The following PAPPA2 variants were observed in gnomAD, a reference collection of about 807,000 sequenced individuals.
The protein encoded by PAPPA2 is pappalysin 2, also known as pappalysin-2.
PAPPA2 carries 86 observed loss-of-function variants against 176.4 expected under a neutral mutation model. The ratio of observed to expected loss-of-function variants is 0.49; its 90% CI spans 0.41 to 0.58. The LOEUF (loss-of-function observed/expected upper bound fraction) is 0.58. PAPPA2 is among the 20% of genes least tolerant of loss of function. PAPPA2 has a pLI of 0.00. For missense variants in PAPPA2, 2,073 were observed against 2,256.9 expected, an observed-to-expected ratio of 0.92 and a Z score of 1.65; for synonymous variants, 809 against 852.2, an observed-to-expected ratio of 0.95 and a Z score of 0.88.
At chr1:176,660,265 A>G (rs774389825) in intron 3 of PAPPA2, among the ~76,000 whole-genome samples, 8 of 151,994 alleles carry the variant, frequency 5.3e-5, no homozygotes, top group African/African-American at 1.9e-4. Context: ...ACTGAAATCT[A>G]TAGGCATTCT....
intron 17 of PAPPA2, among the ~76,000 whole-genome samples, chr1:176,772,946 C>T (rs536278812): frequency 1.3e-4 from 20 of 152,046 alleles, no homozygotes; most frequent in African/African-American, 4.8e-4. Context: ...GACCAGGGGG[C>T]CAGAGAAATG....
At chr1:176,786,826 T>C (rs989867317) in intron 17 of PAPPA2, among the ~76,000 whole-genome samples, 2 of 152,178 alleles carry the variant, frequency 1.3e-5, no homozygotes, top group East Asian at 1.9e-4. Flanking sequence ...TTAAATGTTG[T>C]TTGATCCAAA....
At chr1:176,653,526 T>C (rs1020739292) in intron 3 of PAPPA2, among the ~76,000 whole-genome samples, 2 of 151,750 alleles carry the variant, frequency 1.3e-5, no homozygotes, top group Admixed American at 6.6e-5. Flanking sequence ...TTCTTTCTTA[T>C]ATGGTCTTTT....
At chr1:176,493,792 G>A (rs1647439461) in intron 1 of PAPPA2, among the ~76,000 whole-genome samples, 1 of 152,132 alleles carries the variant, frequency 6.6e-6, no homozygotes, top group Non-Finnish European at 1.5e-5. Context: ...ACACACTTGG[G>A]CATGCATCCA....
chr1:176,610,054 C>T (rs902061329), intron 3 of PAPPA2, among the ~76,000 whole-genome samples: 3 of 152,082 alleles, frequency 2.0e-5, no homozygotes, highest in African/African-American at 7.2e-5. Flanking sequence ...AAACATGAAT[C>T]ACCCTTCCCC....
intron 21 of PAPPA2, among the ~76,000 whole-genome samples, chr1:176,820,514 T>C (rs1666615611): frequency 1.3e-5 from 2 of 152,170 alleles, no homozygotes; most frequent in Admixed American, 6.5e-5. Flanking sequence ...CCGGGGTGTT[T>C]CCTTACACAT....
At chr1:176,623,758 C>CCTTTCTTTCTTTCTTTCTTTCTTTCTTT (rs71129580) in intron 3 of PAPPA2, among the ~76,000 whole-genome samples, 29 of 59,064 alleles carry the variant, frequency 4.9e-4, no homozygotes, top group East Asian at 1.2e-3. Flanking sequence ...TTCCTTCCTT[C>CCTTTCTTTCTTTCTTTCTTTCTTTCTTT]CTTTCTTTCT....
chr1:176,695,979 TG>T, intron 7 of PAPPA2, 120 bp downstream of exon 7: 1 of 645,096 alleles, frequency 1.6e-6, no homozygotes, highest in Non-Finnish European at 2.2e-6. Context: ...TGTGTGTGTG[TG>T]TGTGTGTGTG....
At chr1:176,738,241 T>C (rs545522696) in intron 12 of PAPPA2, among the ~76,000 whole-genome samples, 21 of 152,052 alleles carry the variant, frequency 1.4e-4, no homozygotes, top group Non-Finnish European at 2.6e-4. Context: ...CATTTGTTAC[T>C]TCAAAGAGGA....
At chr1:176,741,537 AG>A (rs1271473019) in intron 14 of PAPPA2, among the ~76,000 whole-genome samples, 13 of 152,192 alleles carry the variant, frequency 8.5e-5, no homozygotes, top group African/African-American at 2.9e-4. Context: ...TGGAAGTGAT[AG>A]TCCATTACTT....
At chr1:176,584,061 A>G (rs1158530761) in intron 2 of PAPPA2, among the ~76,000 whole-genome samples, 1 of 152,130 alleles carries the variant, frequency 6.6e-6, no homozygotes, top group African/African-American at 2.4e-5. Context: ...TTGTATTGAC[A>G]CCTGTTTTGT....
chr1:176,659,643 T>C (rs1308267288), intron 3 of PAPPA2, among the ~76,000 whole-genome samples: 2 of 152,122 alleles, frequency 1.3e-5, no homozygotes, highest in Admixed American at 1.3e-4. Context: ...TAAAAAAGGA[T>C]ATACAGATAC....
intron 20 of PAPPA2, among the ~76,000 whole-genome samples, chr1:176,795,603 A>G (rs186789911): frequency 3.5e-4 from 54 of 152,340 alleles, no homozygotes; most frequent in African/African-American, 1.2e-3. Context: ...AATTGTTTGC[A>G]TGTAAATGAG....
intron 1 of PAPPA2, among the ~76,000 whole-genome samples, chr1:176,519,026 A>G (rs534873038): frequency 4.1e-4 from 63 of 152,376 alleles, no homozygotes; most frequent in South Asian, 1.0e-3. Flanking sequence ...ACTATAAGAC[A>G]TACTAATATA....
At chr1:176,664,459 C>T (rs1454969668) in intron 3 of PAPPA2, among the ~76,000 whole-genome samples, 1 of 152,132 alleles carries the variant, frequency 6.6e-6, no homozygotes, top group Non-Finnish European at 1.5e-5. Flanking sequence ...AGGAAAAGTT[C>T]TTTGCTTTTA....
chr1:176,610,681 G>A (rs1330158852), intron 3 of PAPPA2, among the ~76,000 whole-genome samples: 2 of 152,140 alleles, frequency 1.3e-5, no homozygotes, highest in Admixed American at 1.3e-4. Context: ...CAAGGTCTGG[G>A]GGAGAGTGGT....
At chr1:176,528,618 C>G (rs1030771574) in intron 1 of PAPPA2, among the ~76,000 whole-genome samples, 3 of 152,218 alleles carry the variant, frequency 2.0e-5, no homozygotes, top group Non-Finnish European at 4.4e-5. Context: ...ATTCACAATT[C>G]TGTCTTTTGT....
chr1:176,765,019 G>T (rs898357469), intron 14 of PAPPA2, among the ~76,000 whole-genome samples: 1 of 152,226 alleles, frequency 6.6e-6, no homozygotes, highest in African/African-American at 2.4e-5. Flanking sequence ...TTAGGCATGG[G>T]ACATGGATTC....
chr1:176,710,306 T>C, intron 11 of PAPPA2, 130 bp downstream of exon 11: 1 of 777,002 alleles, frequency 1.3e-6, no homozygotes, highest in Non-Finnish European at 2.0e-6. Context: ...CTAGGGAACA[T>C]TACTGGATCT....
Sources: allele counts gnomAD v4.1 joint callset (sites outside exome capture counted in the v4.1 genomes callset), GRCh38; gene constraint gnomAD v4.1.1; transcripts MANE v1.5; gene names NCBI Gene and HGNC (gene_info 2026-07-23, HGNC 2026-07-21).